The following CLASP2 variants were observed in gnomAD, a reference collection of about 807,000 sequenced individuals.
CLASP2 encodes the protein cytoplasmic linker associated protein 2, also known as CLIP-associating protein 2.
Under a neutral mutation model 194.4 loss-of-function variants are expected in CLASP2, and 47 were observed. The observed-to-expected ratio is 0.24, with a 90% CI of 0.19 to 0.31. CLASP2 has a LOEUF of 0.31. Ranked by LOEUF, CLASP2 falls within the 10% of genes least tolerant of loss-of-function variation. The pLI is 1.00. For missense variants in CLASP2, 1,445 were observed against 1,823.6 expected (o/e 0.79, Z 3.78); for synonymous variants, 619 against 633.5 (o/e 0.98, Z 0.34).
chr3:33,672,113 G>A (rs1421546101), intron 6 of CLASP2, among the ~76,000 whole-genome samples: 3 of 152,286 alleles, frequency 2.0e-5, no homozygotes, highest in East Asian at 1.9e-4. Context: ...CAGGCAGCTG[G>A]AGATCTGAGA....
intron 13 of CLASP2, 37 bp from the exon 14 acceptor site, chr3:33,608,663 A>T: frequency 7.2e-7 from 1 of 1,384,392 alleles, no homozygotes; most frequent in East Asian, 2.4e-5. Context: ...TAAATGTTGT[A>T]TTGAGAAATA....
At chr3:33,698,486 A>G (rs554412329) in intron 1 of CLASP2, among the ~76,000 whole-genome samples, 2 of 152,326 alleles carry the variant, frequency 1.3e-5, no homozygotes, top group South Asian at 4.1e-4. Flanking sequence ...CAAGCATGAA[A>G]TAAGAAGCAA....
At chr3:33,679,708 C>G (rs891099933) in intron 6 of CLASP2, among the ~76,000 whole-genome samples, 5 of 152,026 alleles carry the variant, frequency 3.3e-5, no homozygotes, top group African/African-American at 1.2e-4. Context: ...TTAAAATGGC[C>G]AAAACCCAAA....
intron 33 of CLASP2, among the ~76,000 whole-genome samples, chr3:33,537,907 C>A (rs1465368302): frequency 2.6e-5 from 4 of 152,018 alleles, no homozygotes; most frequent in Non-Finnish European, 4.4e-5. Context: ...TTTGGGAGGC[C>A]GAGGTGGGCA....
intron 21 of CLASP2, among the ~76,000 whole-genome samples, chr3:33,585,672 G>A (rs1286825228): frequency 6.6e-6 from 1 of 152,078 alleles, no homozygotes; most frequent in African/African-American, 2.4e-5. Context: ...TGGTGCACCT[G>A]TCACCCGAAC....
At chr3:33,685,410 A>G (rs2090531491) in intron 5 of CLASP2, among the ~76,000 whole-genome samples, 1 of 151,498 alleles carries the variant, frequency 6.6e-6, no homozygotes. Context: ...GCCAATAATT[A>G]TATTAATACA....
chr3:33,665,433 T>C (rs2086024723), intron 6 of CLASP2, among the ~76,000 whole-genome samples: 1 of 152,050 alleles, frequency 6.6e-6, no homozygotes, highest in African/African-American at 2.4e-5. Context: ...CAAAGGTCTT[T>C]TGGGACTGGG....
chr3:33,523,556 A>G (rs1283236428), intron 34 of CLASP2, among the ~76,000 whole-genome samples: 3 of 152,232 alleles, frequency 2.0e-5, no homozygotes, highest in Non-Finnish European at 2.9e-5. Context: ...AGAATCCTAC[A>G]TCTGTCAAAA....
At chr3:33,570,829 T>C (rs754368715) in intron 25 of CLASP2, 39 bp from the exon 26 acceptor site, 23 of 1,466,506 alleles carry the variant, frequency 1.6e-5, no homozygotes, top group Middle Eastern at 2.4e-4. Flanking sequence ...TATCTTGCTG[T>C]AGCAAGAAGT....
intron 1 of CLASP2, among the ~76,000 whole-genome samples, chr3:33,708,536 G>A (rs1194957582): frequency 7.8e-4 from 10 of 12,808 alleles, no homozygotes; most frequent in South Asian, 4.6e-3. Context: ...ATATATATAT[G>A]TATATATGTA....
chr3:33,683,883 T>A (rs1030388257), intron 6 of CLASP2, among the ~76,000 whole-genome samples: 1 of 143,426 alleles, frequency 7.0e-6, no homozygotes, highest in African/African-American at 2.6e-5. Context: ...GAGGTTGCAG[T>A]GAGCCAAGAT....
chr3:33,672,948 G>T (rs1400571201), intron 6 of CLASP2, among the ~76,000 whole-genome samples: 1 of 152,190 alleles, frequency 6.6e-6, no homozygotes. Context: ...TATGTGAAAA[G>T]ACCAAATCTA....
chr3:33,602,445 C>T lies in CLASP2; in HGVS notation c.1924+507G>A, dbSNP rs188139593. 7.6e-5 allele frequency: 53 copies of T among 693,216 alleles called. No individual in the cohort carries two copies. The East Asian group carries it at 1.2e-3, about 16-fold the overall frequency. The allele number at this position is 693,216 out of a possible 1,614,324, so 42.9% of individuals were successfully genotyped here. ...AAAATGGAAGCATGAAGAAGAGATACGCAAACCAACGTCAACTTTTTAATT... is the reference window on the plus strand; with the variant it reads ...AAAATGGAAGCATGAAGAAGAGATATGCAAACCAACGTCAACTTTTTAATT... On this transcript the variant is annotated intron_variant, in intron 18 of 38. Coordinates refer to ENST00000682230, the MANE Select transcript of CLASP2 (RefSeq NM_001365631.1).
At chr3:33,573,677 G>C (rs1233249393) in intron 24 of CLASP2, among the ~76,000 whole-genome samples, 3 of 152,076 alleles carry the variant, frequency 2.0e-5, no homozygotes, top group Non-Finnish European at 4.4e-5. Context: ...AGAACTACTA[G>C]AATGTAAATG....
intron 9 of CLASP2, among the ~76,000 whole-genome samples, chr3:33,631,259 T>C (rs759681610): frequency 2.6e-5 from 4 of 152,202 alleles, no homozygotes; most frequent in African/African-American, 4.8e-5. Flanking sequence ...TATCATACCT[T>C]TCTCACAGGA....
At chr3:33,512,654 A>C (rs2050216601) in intron 36 of CLASP2, among the ~76,000 whole-genome samples, 1 of 149,626 alleles carries the variant, frequency 6.7e-6, no homozygotes, top group African/African-American at 2.5e-5. Flanking sequence ...AATAGGTGAA[A>C]AATGCTTAGA....
At chr3:33,530,866 G>A (rs560987756) in intron 34 of CLASP2, among the ~76,000 whole-genome samples, 91 of 152,186 alleles carry the variant, frequency 6.0e-4, no homozygotes, top group African/African-American at 1.9e-3. Flanking sequence ...CCATTTTCAT[G>A]GATTGGAACA....
intron 21 of CLASP2, among the ~76,000 whole-genome samples, chr3:33,585,361 A>G (rs2067121826): frequency 6.6e-6 from 1 of 152,198 alleles, no homozygotes; most frequent in Non-Finnish European, 1.5e-5. Context: ...TGATTTTATC[A>G]TTGTGTGAAC....
intron 21 of CLASP2, among the ~76,000 whole-genome samples, chr3:33,585,628 T>C (rs1284972367): frequency 6.6e-6 from 1 of 152,180 alleles, no homozygotes; most frequent in Non-Finnish European, 1.5e-5. Context: ...TTTGGTGACA[T>C]GAATAACTTC....
Sources: gnomAD v4.1 joint callset for allele counts (sites outside exome capture counted in the v4.1 genomes callset) on GRCh38, gnomAD v4.1.1 for gene constraint, MANE v1.5 for transcripts, NCBI Gene and HGNC (gene_info 2026-07-23, HGNC 2026-07-21) for gene names.